The following FBRSL1 variants were observed in gnomAD, a reference collection of about 807,000 sequenced individuals.
The protein encoded by FBRSL1 is fibrosin-1-like protein.
In FBRSL1, 51 loss-of-function variants were observed where a neutral mutation model predicts 89.6. The observed-to-expected ratio is 0.57, with a 90% confidence interval of 0.45 to 0.72. The LOEUF (loss-of-function observed/expected upper bound fraction) is 0.72. Among genes scored for constraint, FBRSL1 ranks in the 30% least tolerant of loss-of-function variants. The pLI is 0.00. For synonymous variants in FBRSL1, 779 were observed against 681.1 expected (o/e 1.14, Z -2.24); for missense variants, 1,618 against 1,451.8 (o/e 1.11, Z -1.86).
chr12:132,570,285 G>T, intron 7 of FBRSL1, 44 bp downstream of exon 7: 1 of 1,511,338 alleles, frequency 6.6e-7, no homozygotes, highest in Non-Finnish European at 8.8e-7. Flanking sequence ...TCTCAGGATG[G>T]GGGCTCTGCA....
intron 2 of FBRSL1, chr12:132,511,834 T>TGCCCCCCCCCCCCGGC: frequency 1.1e-6 from 1 of 899,064 alleles, no homozygotes; most frequent in Non-Finnish European, 1.3e-6. Flanking sequence ...GCCCCCTCGC[T>TGCCCCCCCCCCCCGGC]CCCCACCCAC....
intron 4 of FBRSL1, among the ~76,000 whole-genome samples, chr12:132,532,808 G>T (rs879386903): frequency 8.5e-5 from 13 of 152,212 alleles, no homozygotes; most frequent in Admixed American, 2.0e-4. Context: ...TGAGGAAGGA[G>T]CCCACCCCGT....
intron 4 of FBRSL1, among the ~76,000 whole-genome samples, chr12:132,537,245 G>A (rs1001026941): frequency 6.6e-6 from 1 of 152,210 alleles, no homozygotes; most frequent in African/African-American, 2.4e-5. Context: ...ACAGGAAGAG[G>A]TGGCACTCGG....
At chr12:132,500,550 C>T (rs1388063508) in intron 1 of FBRSL1, among the ~76,000 whole-genome samples, 1 of 152,158 alleles carries the variant, frequency 6.6e-6, no homozygotes, top group Non-Finnish European at 1.5e-5. Context: ...AGTCCTGGCC[C>T]TGTTGCCATC....
chr12:132,568,088 T>C lies in FBRSL1; in HGVS notation c.691+562T>C, dbSNP rs1218500486. Among the ~76,000 whole-genome samples the C allele has an allele frequency of 5.4e-5, 8 of 148,482 alleles. No individual in the cohort carries two copies. The East Asian group carries it at 1.4e-3, about 25-fold the overall frequency. On this transcript the variant is annotated intron_variant, in intron 6 of 18. Transcript: ENST00000680143. Reference sequence around the variant, plus strand: ...GCCTTCGTAACCTGTGGCTGTGAGCTGTGGGGCGGGGTGTCCACGGGCCAG... The same window carrying C: ...GCCTTCGTAACCTGTGGCTGTGAGCCGTGGGGCGGGGTGTCCACGGGCCAG...
At chr12:132,549,163 G>A (rs747399451) in intron 5 of FBRSL1, among the ~76,000 whole-genome samples, 14 of 152,216 alleles carry the variant, frequency 9.2e-5, no homozygotes, top group Non-Finnish European at 1.6e-4. Context: ...AGGCCGCACC[G>A]TCGCCGCGGC....
rs201086815 is a variant in FBRSL1 at position 132,582,428 on chromosome 12, C to CT, written c.2201+162_2201+163insT. Among the ~76,000 whole-genome samples the CT allele has an allele frequency of 0.012, 1,763 of 150,326 alleles. 39 individuals carry two copies. In the East Asian group the frequency reaches 0.12, roughly 10 times the overall value. ...TTCCCCTTCCCCGTTCCCCCTCCCCCATTCCCTCTCACCCTCCTCGCCCCA... is the reference window on the plus strand; with the variant it reads ...TTCCCCTTCCCCGTTCCCCCTCCCCCTATTCCCTCTCACCCTCCTCGCCCCA... On this transcript the variant is annotated intron_variant, in intron 18 of 18. Transcript: ENST00000680143.
intron 1 of FBRSL1, among the ~76,000 whole-genome samples, chr12:132,502,466 C>A (rs1206920525): frequency 1.3e-5 from 2 of 152,176 alleles, no homozygotes; most frequent in African/African-American, 4.8e-5. Context: ...TAAATCGGAG[C>A]TGGAGGGAGG....
chr12:132,582,289 A>G lies in FBRSL1; in HGVS notation c.2201+23A>G. 5 of 1,542,880 alleles carry G rather than the reference A, an allele frequency of 3.2e-6. No individual in the cohort carries two copies. In the Admixed American group the frequency reaches 5.9e-5, roughly 18 times the overall value. On this transcript the variant is annotated intron_variant, in intron 18 of 18. Coordinates refer to ENST00000680143, the MANE Select transcript of FBRSL1 (RefSeq NM_001367871.1). ...ACGGTGAGTGGCCCTCTTGTTCCGT[A>G]TCCCCACCACACACCCCTACCCCGT... is the stretch of plus-strand genomic sequence containing the variant.
chr12:132,564,487 C>G lies in FBRSL1; in HGVS notation c.646-2994C>G, dbSNP rs1278917600. Among the ~76,000 whole-genome samples, 3 of 151,886 alleles carry G rather than the reference C, an allele frequency of 2.0e-5. No individual in the cohort carries two copies. In the South Asian group the frequency reaches 6.2e-4, roughly 32 times the overall value. Reference sequence around the variant, plus strand: ...CCTCCTGGCTCTGGGAGGGCCCCTGCCCTCGCCCTCCAAGGTTTTTTTTTT... The same window carrying G: ...CCTCCTGGCTCTGGGAGGGCCCCTGGCCTCGCCCTCCAAGGTTTTTTTTTT... On this transcript the variant is annotated intron_variant, in intron 5 of 18. Transcript: ENST00000680143.
chr12:132,553,730 T>C (rs887692362), intron 5 of FBRSL1: 2 of 152,222 alleles, frequency 1.3e-5, no homozygotes, highest in African/African-American at 4.8e-5. Flanking sequence ...GGCAGTGGCA[T>C]CAGAGACTCG....
rs2033953882 is a variant in FBRSL1, at chr12:132,508,485, G to C, written c.489+135G>C. The C allele has an allele frequency of 5.4e-6, 6 of 1,115,382 alleles. No homozygotes were observed. The South Asian group carries it at 9.9e-5, about 18-fold the overall frequency. 69.1% of individuals were successfully genotyped at this position (1,115,382 alleles called of 1,614,324 possible). A position where few individuals can be genotyped will look rare whatever the true frequency, so the allele number is the denominator to read the frequency against. On this transcript the variant is annotated intron_variant, in intron 2 of 18. Transcript: ENST00000680143. ...CAGCGCGCCCATCGTTGTCAGGCTT[G>C]GGGTGCAGGACACGTGGACAGGGCT...
intron 4 of FBRSL1, among the ~76,000 whole-genome samples, chr12:132,528,600 TCTGC>T (rs1223244886): frequency 2.0e-5 from 3 of 148,662 alleles, no homozygotes; most frequent in Non-Finnish European, 3.0e-5. Context: ...GGAGCGGGTG[TCTGC>T]CTGGGGGGAG....
At chr12:132,535,980 T>G (rs1295482840) in intron 4 of FBRSL1, among the ~76,000 whole-genome samples, 2 of 151,538 alleles carry the variant, frequency 1.3e-5, no homozygotes, top group Non-Finnish European at 2.9e-5. Flanking sequence ...TCCATGATGG[T>G]GTGAGTGCAC....
At chr12:132,498,362 A>T (rs889195521) in intron 1 of FBRSL1, among the ~76,000 whole-genome samples, 2 of 152,130 alleles carry the variant, frequency 1.3e-5, no homozygotes, top group East Asian at 3.9e-4. Context: ...CGCAGCAGCT[A>T]CCTGCCTGTC....
At chr12:132,501,732 C>T (rs1457676955) in intron 1 of FBRSL1, among the ~76,000 whole-genome samples, 1 of 152,142 alleles carries the variant, frequency 6.6e-6, no homozygotes, top group Non-Finnish European at 1.5e-5. Flanking sequence ...AGGGTGGGAC[C>T]CCAGTGGTGG....
intron 1 of FBRSL1, among the ~76,000 whole-genome samples, chr12:132,505,775 A>AG (rs1349720758): frequency 6.6e-6 from 1 of 152,232 alleles, no homozygotes; most frequent in African/African-American, 2.4e-5. Context: ...CCACAGGGCC[A>AG]GCCTTACCCT....
chr12:132,536,211 T>A (rs2036727194), intron 4 of FBRSL1, among the ~76,000 whole-genome samples: 1 of 151,548 alleles, frequency 6.6e-6, no homozygotes, highest in South Asian at 2.1e-4. Context: ...ATAGTGTGTG[T>A]GAGTGCACGT....
At position 132,528,770 on chromosome 12, in the gene FBRSL1, C is replaced by T. The variant is rs576751601; in HGVS notation, c.615+782C>T. 2.7e-5 allele frequency among the ~76,000 whole-genome samples: 4 copies of T among 149,774 alleles called. No homozygotes were observed. In the East Asian group the frequency reaches 5.9e-4, roughly 22 times the overall value. Reference sequence around the variant, plus strand: ...GCACGGGTGTGTTTCAGGGTGTGCCCGGGGGAAGCAGGTGTGTTTCAGTGT... The same window carrying T: ...GCACGGGTGTGTTTCAGGGTGTGCCTGGGGGAAGCAGGTGTGTTTCAGTGT... On this transcript the variant is annotated intron_variant, in intron 4 of 18. Transcript: ENST00000680143.
Sources: allele counts gnomAD v4.1 joint callset (sites outside exome capture counted in the v4.1 genomes callset), GRCh38; gene constraint gnomAD v4.1.1; transcripts MANE v1.5; gene names NCBI Gene and HGNC (gene_info 2026-07-23, HGNC 2026-07-21).